The following MAGI3 variants were observed in gnomAD, a reference collection of about 807,000 sequenced individuals.
MAGI3 encodes the protein membrane associated guanylate kinase, WW and PDZ domain containing 3, also known as membrane-associated guanylate kinase, WW and PDZ domain-containing protein 3.
MAGI3 carries 43 observed loss-of-function variants against 121.8 expected under a neutral mutation model. That is an observed-to-expected ratio of 0.35 (90% CI 0.28 to 0.46). The LOEUF is 0.46. MAGI3 is among the 20% of genes least tolerant of loss of function. The pLI is 1.00. For missense variants in MAGI3, 1,547 were observed against 1,797.3 expected (o/e 0.86, Z 2.52); for synonymous variants, 553 against 639.3 (o/e 0.86, Z 2.04).
intron 2 of MAGI3, among the ~76,000 whole-genome samples, chr1:113,557,101 C>T (rs1660025828): frequency 6.6e-6 from 1 of 152,234 alleles, no homozygotes; most frequent in Non-Finnish European, 1.5e-5. Context: ...GCCATTCCAG[C>T]CTGCGGGCTT....
chr1:113,426,946 GTATC>G (rs1653037536), intron 1 of MAGI3, among the ~76,000 whole-genome samples: 1 of 151,150 alleles, frequency 6.6e-6, no homozygotes, highest in Non-Finnish European at 1.5e-5. Context: ...ATATATATCT[GTATC>G]TATCTATATA....
At chr1:113,650,668 T>C (rs751085518) in intron 13 of MAGI3, among the ~76,000 whole-genome samples, 1 of 152,236 alleles carries the variant, frequency 6.6e-6, no homozygotes, top group Non-Finnish European at 1.5e-5. Flanking sequence ...GAACAGACTT[T>C]TAATAGCTAC....
chr1:113,419,552 C>G (rs1208809232), intron 1 of MAGI3, among the ~76,000 whole-genome samples: 1 of 151,992 alleles, frequency 6.6e-6, no homozygotes. Flanking sequence ...CTCTTTTGGG[C>G]TGGGGGTGTA....
intron 9 of MAGI3, among the ~76,000 whole-genome samples, chr1:113,635,015 C>T (rs1342714027): frequency 6.6e-6 from 1 of 152,070 alleles, no homozygotes; most frequent in African/African-American, 2.4e-5. Context: ...GGAGTTCACT[C>T]ATGATTTGGC....
intron 4 of MAGI3, among the ~76,000 whole-genome samples, chr1:113,588,404 A>G (rs896727677): frequency 6.6e-6 from 1 of 152,206 alleles, no homozygotes; most frequent in Admixed American, 6.5e-5. Flanking sequence ...ATAGTAACCA[A>G]TAAGATCATT....
intron 1 of MAGI3, among the ~76,000 whole-genome samples, chr1:113,419,884 C>T (rs1358001064): frequency 1.3e-5 from 2 of 152,120 alleles, no homozygotes; most frequent in South Asian, 2.1e-4. Context: ...GCCTGCATTC[C>T]TTGGCTCATG....
chr1:113,422,255 T>C lies in MAGI3; in HGVS notation c.316+30906T>C, dbSNP rs1045986499. Among the ~76,000 whole-genome samples the C allele has an allele frequency of 5.9e-5, 9 of 152,244 alleles. No individual in the cohort carries two copies. Among genetic ancestry groups the C allele is most frequent in the Non-Finnish European group, 1.0e-4 (7 of 68,030 alleles). ...TAATATCACAGTCAGGATATTGACA[T>C]TGATACCACCAATCTTAACAGATTT... On this transcript the variant is annotated intron_variant, in intron 1 of 20. Coordinates refer to ENST00000307546, the MANE Select transcript of MAGI3 (RefSeq NM_001142782.2). The surrounding 1 kb of genome is among the most constrained non-coding windows in gnomAD (Gnocchi z 4.3).
chr1:113,674,155 G>T (rs1165053963), intron 19 of MAGI3, among the ~76,000 whole-genome samples: 1 of 152,172 alleles, frequency 6.6e-6, no homozygotes, highest in East Asian at 1.9e-4. Flanking sequence ...ACTTTGGGAG[G>T]CCGAGGTGGG....
At chr1:113,621,560 T>C (rs1650821380) in intron 8 of MAGI3, among the ~76,000 whole-genome samples, 1 of 152,070 alleles carries the variant, frequency 6.6e-6, no homozygotes, top group Admixed American at 6.6e-5. Context: ...TGAATGAAAA[T>C]ATGTCCACAC....
At chr1:113,480,015 T>C (rs74585489) in intron 1 of MAGI3, among the ~76,000 whole-genome samples, 9,594 of 152,268 alleles carry the variant, frequency 0.063, 324 homozygotes, top group Non-Finnish European at 0.074. Context: ...CTTCATTTAA[T>C]TTTCTATCTG....
chr1:113,392,669 G>C (rs914627215), intron 1 of MAGI3, among the ~76,000 whole-genome samples: 1 of 152,010 alleles, frequency 6.6e-6, no homozygotes, highest in African/African-American at 2.4e-5. Flanking sequence ...TAAGTGTATG[G>C]GTTTATGTGG....
intron 7 of MAGI3, among the ~76,000 whole-genome samples, chr1:113,618,930 C>G (rs970002983): frequency 6.6e-6 from 1 of 152,238 alleles, no homozygotes; most frequent in African/African-American, 2.4e-5. Flanking sequence ...ATCTTTTTTA[C>G]AGCATTTCCT....
In MAGI3 at chr1:113,659,207, T is replaced by C; in HGVS notation, c.2757T>C (p.Ile919=). 1 of 1,614,012 alleles carries C rather than the reference T, an allele frequency of 6.2e-7. No individual in the cohort carries two copies. Among genetic ancestry groups the C allele is most frequent in the Non-Finnish European group, 8.5e-7 (1 of 1,179,942 alleles). ...QSIVELSHDN[I]VQLIKDAGVT... ...TTGTTGAACTGTCTCATGATAACAT[T>C]GTTCAGCTGATCAAAGATGCTGGTG... The change falls in exon 16 of 21, where the codon ATT becomes ATC. Residue 919 remains isoleucine, a synonymous_variant. Transcript: ENST00000307546.
At chr1:113,510,708 C>T (rs997087821) in intron 1 of MAGI3, among the ~76,000 whole-genome samples, 1 of 152,152 alleles carries the variant, frequency 6.6e-6, no homozygotes, top group African/African-American at 2.4e-5. Context: ...CTAGCATGAA[C>T]TTAGAGGCCA....
At chr1:113,614,016 A>G (rs1038183715) in intron 6 of MAGI3, among the ~76,000 whole-genome samples, 5 of 152,218 alleles carry the variant, frequency 3.3e-5, no homozygotes, top group African/African-American at 1.2e-4. Context: ...TTTATTTGTT[A>G]TCATTCACAA....
At position 113,619,782 on chromosome 1, in the gene MAGI3, A is replaced by G. The variant is rs957687311; in HGVS notation, c.1123A>G (p.Lys375Glu). The part of the protein sequence containing the change: ...TQFENPVEEA[K>E]RKKQLGQVEI... ...GTTTGAAAATCCAGTGGAGGAAGCC[A>G]AAAGGAAAAAGCAGTTAGGACAGGT... The change falls in exon 8 of 21, where the codon AAA becomes GAA. Residue 375 changes from lysine to glutamate, a missense_variant. Transcript: ENST00000307546. The G allele has an allele frequency of 1.2e-6, 2 of 1,613,444 alleles. No homozygotes were observed. The highest frequency in any genetic ancestry group is 1.3e-5 in the African/African-American group (1 of 75,036).
rs1652786075 is a variant in MAGI3 at position 113,645,536 on chromosome 1, A to G, written c.1999-950A>G. Among the ~76,000 whole-genome samples, 4 of 152,262 alleles carry G rather than the reference A, an allele frequency of 2.6e-5. No individual in the cohort carries two copies. In the South Asian group the frequency reaches 8.3e-4, roughly 32 times the overall value. On this transcript the variant is annotated intron_variant, in intron 11 of 20. Coordinates refer to ENST00000307546, the MANE Select transcript of MAGI3 (RefSeq NM_001142782.2). The stretch of plus-strand genomic sequence containing the variant: ...GCTTTATAATTGATGGAAGGGTCTG[A>G]TGAACTTTAACCGCCTCTGACAGAA...
chr1:113,647,596 T>C (rs1266326324), intron 12 of MAGI3, among the ~76,000 whole-genome samples: 2 of 152,176 alleles, frequency 1.3e-5, no homozygotes, highest in African/African-American at 4.8e-5. Context: ...CAGATTTGAG[T>C]AGGTATAATT....
chr1:113,541,852 G>C (rs566827883), intron 1 of MAGI3, among the ~76,000 whole-genome samples: 2 of 152,274 alleles, frequency 1.3e-5, no homozygotes, highest in East Asian at 3.9e-4. Context: ...AGATTGTGTG[G>C]ACTCTTCCTC....
Sources: allele counts gnomAD v4.1 joint callset (sites outside exome capture counted in the v4.1 genomes callset), GRCh38; gene constraint gnomAD v4.1.1; non-coding constraint Gnocchi (gnomAD v3.1); transcripts MANE v1.5; gene names NCBI Gene and HGNC (gene_info 2026-07-23, HGNC 2026-07-21).